DEPDC4: variants seen among roughly 807,000 people sequenced by gnomAD.
DEPDC4 encodes DEP domain containing 4, also known as DEP domain-containing protein 4.
A neutral mutation model predicts 52.0 loss-of-function variants in DEPDC4; 52 were observed. The ratio of observed to expected loss-of-function variants is 1.00; its 90% CI spans 0.80 to 1.26. The LOEUF (loss-of-function observed/expected upper bound fraction) is 1.26. Ranked by LOEUF, DEPDC4 falls within the 50% of genes most tolerant of loss-of-function variation. The probability of loss-of-function intolerance (pLI) is 0.00; values close to 1 mark genes in which losing one functional copy is unlikely to be tolerated. For missense variants in DEPDC4, 530 were observed against 546.9 expected (o/e 0.97, Z 0.31); for synonymous variants, 201 against 196.8 (o/e 1.02, Z -0.18).
rs191998369 is a variant in DEPDC4 at position 100,265,744 on chromosome 12, A to T, written c.157+1176T>A. 2.8e-4 allele frequency among the ~76,000 whole-genome samples: 42 copies of T among 152,378 alleles called. 1 individual carries two copies. The highest frequency in any genetic ancestry group is 1.0e-3 in the Admixed American group (16 of 15,312). ...GAAAAACCCAAAACAAAAATTTTTTAAAAATGAGCTGAGCAGAACAACTTG... is the reference window on the plus strand; with the variant it reads ...GAAAAACCCAAAACAAAAATTTTTTTAAAATGAGCTGAGCAGAACAACTTG... On this transcript the variant is annotated intron_variant, in intron 1 of 9. Transcript: ENST00000550587.
chr12:100,254,931 GC>G (rs2096226095), intron 4 of DEPDC4, among the ~76,000 whole-genome samples: 1 of 152,074 alleles, frequency 6.6e-6, no homozygotes, highest in South Asian at 2.1e-4. Flanking sequence ...TCACTATGTT[GC>G]CCATGCTGGT....
At chr12:100,251,048 A>G (rs1313245461) in intron 7 of DEPDC4, among the ~76,000 whole-genome samples, 2 of 152,196 alleles carry the variant, frequency 1.3e-5, no homozygotes, top group African/African-American at 4.8e-5. Flanking sequence ...AAGTTCAGTT[A>G]AGGTCACAGA....
chr12:100,255,385 T>C (rs2153912199), intron 4 of DEPDC4, among the ~76,000 whole-genome samples: 1 of 152,314 alleles, frequency 6.6e-6, no homozygotes, highest in South Asian at 2.1e-4. Context: ...AGGTCTCTGA[T>C]CACTAACCTC....
intron 8 of DEPDC4, among the ~76,000 whole-genome samples, chr12:100,244,091 C>CTATATATA (rs2096172627): frequency 2.9e-5 from 1 of 34,992 alleles, no homozygotes; most frequent in Non-Finnish European, 5.3e-5. Flanking sequence ...CTCTCTCTCT[C>CTATATATA]TGTGTATATA....
chr12:100,250,905 C>G (rs988148775), intron 7 of DEPDC4, among the ~76,000 whole-genome samples: 1 of 152,060 alleles, frequency 6.6e-6, no homozygotes, highest in Admixed American at 6.6e-5. Context: ...TAACAACTGA[C>G]TTACAAATGA....
At chr12:100,266,830 G>C (rs2096275848) in intron 1 of DEPDC4, 90 bp downstream of exon 1, 1 of 1,487,442 alleles carries the variant, frequency 6.7e-7, no homozygotes, top group Non-Finnish European at 9.1e-7. Context: ...CGGGGCCCTG[G>C]ACCAATGAGG....
At chr12:100,279,311 C>T in the DEPDC4 span, among the ~76,000 whole-genome samples, 1 of 152,204 alleles carries the variant, frequency 6.6e-6, no homozygotes, top group African/African-American at 2.4e-5. Context: ...CTATTGCTGC[C>T]ACCTATCTGA....
rs140686101 is a variant in DEPDC4 at position 100,258,457 on chromosome 12, T to A, written c.701-2231A>T. 2.7e-4 allele frequency among the ~76,000 whole-genome samples: 41 copies of A among 152,280 alleles called. 1 individual carries two copies. The East Asian group carries it at 7.3e-3, about 27-fold the overall frequency. On this transcript the variant is annotated intron_variant, in intron 3 of 9. Transcript: ENST00000550587. The stretch of plus-strand genomic sequence containing the variant: ...CAATGAAATAAAAAAAACTTCTAGA[T>A]TGCAACAGCCCAGTAAGTAAAAATA...
chr12:100,261,049 C>T lies in DEPDC4; in HGVS notation c.700+1215G>A, dbSNP rs187935121. On this transcript the variant is annotated intron_variant, in intron 3 of 9. Coordinates refer to ENST00000550587, the MANE Select transcript of DEPDC4 (RefSeq NM_001364818.2). ...TACAAAAATTAGCCGGGTGTGGTGGCGGGCGCCTATAGTCCCAGCTACTCT... is the reference window on the plus strand; with the variant it reads ...TACAAAAATTAGCCGGGTGTGGTGGTGGGCGCCTATAGTCCCAGCTACTCT... Among the ~76,000 whole-genome samples, 611 of 152,012 alleles carry T rather than the reference C, an allele frequency of 4.0e-3. 5 individuals carry two copies. The highest frequency in any genetic ancestry group is 0.014 in the Middle Eastern group (4 of 294).
In DEPDC4 at chr12:100,263,857, T is replaced by G. The variant is rs368799693; in HGVS notation, c.194A>C (p.Asp65Ala). Residue 65 changes from aspartate to alanine, a missense_variant, in exon 2 of 10, where the codon GAT becomes GCT. Asp to Ala is a moderately radical substitution (Grantham distance 126). Transcript: ENST00000550587. The stretch of plus-strand genomic sequence containing the variant: ...GGCCTGAAGAGAGTGAATAATACCA[T>G]CCCATAGCTGAGTAGCTTGAAAAGG... ...SGPFQATQLW[D>A]GIIHSLQAQV... is the part of the protein sequence containing the mutation. 89 of 1,612,696 alleles carry G rather than the reference T, an allele frequency of 5.5e-5. No homozygotes were observed. The highest frequency in any genetic ancestry group is 7.5e-5 in the Non-Finnish European group (89 of 1,179,418).
At chr12:100,235,629 C>CA (rs1470831439), downstream of DEPDC4, among the ~76,000 whole-genome samples, 1 of 151,644 alleles carries the variant, frequency 6.6e-6, no homozygotes, top group Non-Finnish European at 1.5e-5. Flanking sequence ...GGCCGGAGTG[C>CA]AGTGGCATGA....
chr12:100,244,065 GTCTC>G (rs1391311224), intron 8 of DEPDC4, among the ~76,000 whole-genome samples: 2 of 124,662 alleles, frequency 1.6e-5, no homozygotes, highest in African/African-American at 5.9e-5. Flanking sequence ...AGGCAGAGGT[GTCTC>G]CCTCTCTCTC....
At chr12:100,257,165 A>G (rs1015138357) in intron 3 of DEPDC4, among the ~76,000 whole-genome samples, 3 of 148,428 alleles carry the variant, frequency 2.0e-5, no homozygotes, top group African/African-American at 7.5e-5. Flanking sequence ...TGCAACTTCC[A>G]TCTCCCCGCT....
downstream of DEPDC4, among the ~76,000 whole-genome samples, chr12:100,236,738 G>A (rs141314463): frequency 6.7e-3 from 1,012 of 152,146 alleles, 13 homozygotes; most frequent in African/African-American, 0.023. Flanking sequence ...TTGGGTTCTT[G>A]GTCATGAAAT....
chr12:100,238,029 G>A (rs2096144487), downstream of DEPDC4: 1 of 978,698 alleles, frequency 1.0e-6, no homozygotes, highest in Non-Finnish European at 1.2e-6. Context: ...ATCGAAGAGG[G>A]CTTGGTGGCA....
intron 2 of DEPDC4, 113 bp downstream of exon 2, chr12:100,263,384 A>AT (rs774582611): frequency 0.011 from 7,851 of 722,698 alleles, no homozygotes; most frequent in South Asian, 0.014. Flanking sequence ...TTTCACATGG[A>AT]TTTTTTTTTT....
At chr12:100,256,528 C>G (rs903779594) in intron 3 of DEPDC4, among the ~76,000 whole-genome samples, 2 of 151,870 alleles carry the variant, frequency 1.3e-5, no homozygotes, top group African/African-American at 4.8e-5. Flanking sequence ...ACTAGTCATG[C>G]TTATAACTTA....
chr12:100,258,484 A>G (rs2096242590), intron 3 of DEPDC4, among the ~76,000 whole-genome samples: 1 of 152,210 alleles, frequency 6.6e-6, no homozygotes, highest in South Asian at 2.1e-4. Context: ...GTAAAAATAG[A>G]TTTACCTTAA....
intron 8 of DEPDC4, among the ~76,000 whole-genome samples, chr12:100,247,293 C>T (rs1432631081): frequency 6.8e-6 from 1 of 147,640 alleles, no homozygotes; most frequent in Non-Finnish European, 1.5e-5. Flanking sequence ...ACTGCAACCT[C>T]CGCCTCCTGG....
Sources: allele counts gnomAD v4.1 joint callset (sites outside exome capture counted in the v4.1 genomes callset), GRCh38; gene constraint gnomAD v4.1.1; transcripts MANE v1.5; gene names NCBI Gene and HGNC (gene_info 2026-07-23, HGNC 2026-07-21).